ERC2: variants seen among roughly 807,000 people sequenced by gnomAD.
The protein encoded by ERC2 is ELKS/RAB6-interacting/CAST family member 2.
Under a neutral mutation model 114.8 loss-of-function variants are expected in ERC2, and 42 were observed. The observed-to-expected ratio is 0.37, with a 90% CI of 0.29 to 0.47. The LOEUF is 0.47. Among genes scored for constraint, ERC2 ranks in the 20% least tolerant of loss-of-function variants. ERC2 has a pLI of 0.99. For synonymous variants in ERC2, 454 were observed against 425.5 expected, an observed-to-expected ratio of 1.07 and a Z score of -0.82; for missense variants, 939 against 1,150.7, an observed-to-expected ratio of 0.82 and a Z score of 2.66.
rs567755803 is a variant in ERC2, at chr3:56,455,362, C to G, written c.-141+12886G>C. On this transcript the variant is annotated intron_variant, in intron 1 of 17. Transcript: ENST00000288221. ...CTAAGGCAGGTGTTTTACACTATCTCTACAATTTCCTTATGGGATTAAACA... is the reference window on the plus strand; with the variant it reads ...CTAAGGCAGGTGTTTTACACTATCTGTACAATTTCCTTATGGGATTAAACA... 2.0e-5 allele frequency among the ~76,000 whole-genome samples: 3 copies of G among 152,272 alleles called. No homozygotes were observed. In the East Asian group the frequency reaches 5.8e-4, roughly 29 times the overall value.
intron 15 of ERC2, among the ~76,000 whole-genome samples, chr3:55,733,527 T>TC (rs2065414436): frequency 1.0e-5 from 1 of 95,616 alleles, no homozygotes; most frequent in Admixed American, 1.1e-4. Context: ...CTGTCTCTCA[T>TC]TCTTTCTCTC....
intron 16 of ERC2, among the ~76,000 whole-genome samples, chr3:55,694,842 G>A (rs2062845914): frequency 2.0e-5 from 3 of 152,214 alleles, no homozygotes; most frequent in Admixed American, 2.0e-4. Flanking sequence ...AGAGAAATGT[G>A]AGTCCTAGAT....
At chr3:56,024,433 T>G (rs1027634489) in intron 7 of ERC2, among the ~76,000 whole-genome samples, 12 of 151,994 alleles carry the variant, frequency 7.9e-5, no homozygotes, top group East Asian at 1.9e-4. Flanking sequence ...CTAACAAGAG[T>G]GGCTTCAACT....
intron 10 of ERC2, among the ~76,000 whole-genome samples, chr3:55,995,811 A>T (rs2071462883): frequency 6.6e-6 from 1 of 152,236 alleles, no homozygotes; most frequent in Non-Finnish European, 1.5e-5. Flanking sequence ...ATCTACAGAC[A>T]TGAGTGATTC....
At chr3:56,441,886 T>C (rs1469145129) in intron 1 of ERC2, among the ~76,000 whole-genome samples, 1 of 152,124 alleles carries the variant, frequency 6.6e-6, no homozygotes, top group African/African-American at 2.4e-5. Context: ...AAAATAAAAA[T>C]GAAACAGCTG....
At chr3:56,033,030 C>CAGAA (rs71099612) in intron 7 of ERC2, among the ~76,000 whole-genome samples, 7,632 of 65,746 alleles carry the variant, frequency 0.12, 932 homozygotes, top group African/African-American at 0.17. Flanking sequence ...AAAAAAGAAA[C>CAGAA]AGAAAGAAAG....
chr3:56,366,079 G>A (rs1209835837), intron 2 of ERC2, among the ~76,000 whole-genome samples: 1 of 152,170 alleles, frequency 6.6e-6, no homozygotes, highest in African/African-American at 2.4e-5. Context: ...GTCAGTGACT[G>A]CCAGCTTCCT....
chr3:55,757,695 G>A (rs1262204820), intron 14 of ERC2, among the ~76,000 whole-genome samples: 1 of 152,026 alleles, frequency 6.6e-6, no homozygotes, highest in Non-Finnish European at 1.5e-5. Flanking sequence ...TAATGGAGTA[G>A]GAAAAGGAGG....
chr3:55,906,848 C>A (rs941281812), intron 13 of ERC2, among the ~76,000 whole-genome samples: 1 of 152,118 alleles, frequency 6.6e-6, no homozygotes, highest in African/African-American at 2.4e-5. Flanking sequence ...GTGAAAGGAA[C>A]CAATTTATGC....
intron 16 of ERC2, among the ~76,000 whole-genome samples, chr3:55,699,025 G>GA (rs1320004928): frequency 6.6e-6 from 1 of 152,094 alleles, no homozygotes; most frequent in African/African-American, 2.4e-5. Context: ...GGCTTCTCTG[G>GA]TTGCCAAGCT....
At chr3:55,719,307 C>A (rs985230589) in intron 15 of ERC2, among the ~76,000 whole-genome samples, 1 of 152,156 alleles carries the variant, frequency 6.6e-6, no homozygotes, top group African/African-American at 2.4e-5. Context: ...TTTCTTTACA[C>A]AGGACCAGTA....
chr3:55,705,347 G>A (rs557460311), intron 15 of ERC2, among the ~76,000 whole-genome samples: 1 of 152,280 alleles, frequency 6.6e-6, no homozygotes, highest in East Asian at 1.9e-4. Context: ...ACCTTGAGAG[G>A]AAAGCAGGTC....
chr3:55,730,717 C>T (rs2065203225), intron 15 of ERC2, among the ~76,000 whole-genome samples: 1 of 152,150 alleles, frequency 6.6e-6, no homozygotes, highest in Non-Finnish European at 1.5e-5. Flanking sequence ...CAAAAAAATA[C>T]AAAAATGAGC....
At chr3:55,985,352 T>C (rs2070525834) in intron 12 of ERC2, among the ~76,000 whole-genome samples, 1 of 152,186 alleles carries the variant, frequency 6.6e-6, no homozygotes, top group African/African-American at 2.4e-5. Flanking sequence ...CCATATGCTA[T>C]GCCCTAGGTA....
intron 17 of ERC2, among the ~76,000 whole-genome samples, chr3:55,596,089 T>C (rs1054591163): frequency 3.3e-5 from 5 of 151,726 alleles, no homozygotes; most frequent in Admixed American, 1.3e-4. Flanking sequence ...AACAGAGAAA[T>C]AGAATATGTA....
At chr3:55,652,859 C>CAAAAAA (rs3059334) in intron 17 of ERC2, among the ~76,000 whole-genome samples, 2 of 74,378 alleles carry the variant, frequency 2.7e-5, no homozygotes, top group Non-Finnish European at 5.2e-5. Flanking sequence ...GACTCTGTCT[C>CAAAAAA]AAAAAAAAAA....
chr3:55,630,457 C>G (rs997268817), intron 17 of ERC2, among the ~76,000 whole-genome samples: 2 of 152,198 alleles, frequency 1.3e-5, no homozygotes, highest in African/African-American at 4.8e-5. Context: ...GTGTGAGCCA[C>G]CACGCCCGGC....
chr3:56,145,135 T>A (rs2081071548), intron 5 of ERC2, among the ~76,000 whole-genome samples: 1 of 152,196 alleles, frequency 6.6e-6, no homozygotes, highest in South Asian at 2.1e-4. Flanking sequence ...GAAAACAGCT[T>A]CTTTTTCACT....
intron 15 of ERC2, among the ~76,000 whole-genome samples, chr3:55,725,458 C>T (rs1289539362): frequency 6.6e-6 from 1 of 152,122 alleles, no homozygotes; most frequent in Non-Finnish European, 1.5e-5. Context: ...AGAAAGCATT[C>T]TCTGATTCCT....
Sources: allele counts gnomAD v4.1 joint callset (sites outside exome capture counted in the v4.1 genomes callset), GRCh38; gene constraint gnomAD v4.1.1; transcripts MANE v1.5; gene names NCBI Gene and HGNC (gene_info 2026-07-23, HGNC 2026-07-21).